The following PASK variants were observed in gnomAD, a reference collection of about 807,000 sequenced individuals.
PASK encodes the protein PAS domain-containing serine/threonine-protein kinase.
In PASK, 110 loss-of-function variants were observed where a neutral mutation model predicts 121.0. That is an observed-to-expected ratio of 0.91 (90% CI 0.78 to 1.06). The LOEUF (loss-of-function observed/expected upper bound fraction) is 1.06, where lower values mean the gene tolerates loss of function less well. Ranked by LOEUF, PASK falls within the 50% of genes least tolerant of loss-of-function variation. PASK has a pLI of 0.00. For synonymous variants in PASK, 686 were observed against 717.8 expected (o/e 0.96, Z 0.71); for missense variants, 1,643 against 1,702.3 (o/e 0.97, Z 0.61).
At chr2:241,148,342 G>GCTC (rs2067076042) in intron 1 of PASK, among the ~76,000 whole-genome samples, 1 of 152,162 alleles carries the variant, frequency 6.6e-6, no homozygotes, top group Admixed American at 6.6e-5. Flanking sequence ...GAAGCAAACA[G>GCTC]CTCCCATTGC....
intron 4 of PASK, chr2:241,139,428 G>A: frequency 2.3e-6 from 1 of 441,524 alleles, no homozygotes; most frequent in Non-Finnish European, 4.8e-6. Flanking sequence ...CATCCAGGTT[G>A]GACACATGGC....
chr2:241,123,387 C>T (rs867906047), intron 11 of PASK, among the ~76,000 whole-genome samples: 1 of 151,916 alleles, frequency 6.6e-6, no homozygotes, highest in Non-Finnish European at 1.5e-5. Flanking sequence ...ACTGTGTTAG[C>T]CAGGATGGTC....
At position 241,140,320 on chromosome 2, in the gene PASK, G is replaced by A. The variant is rs556817149; in HGVS notation, c.429+201C>T. On this transcript the variant is annotated intron_variant, in intron 3 of 17. Transcript: ENST00000234040. ...GCTGGGACTACAGGTGTGTGCCACC[G>A]CACCTGGCTAATTTCTTTGTAGAGA... Among the ~76,000 whole-genome samples, 14 of 152,226 alleles carry A rather than the reference G, an allele frequency of 9.2e-5. No homozygotes were observed. In the East Asian group the frequency reaches 2.5e-3, roughly 27 times the overall value.
chr2:241,137,817 A>C (rs550992577), intron 6 of PASK, 136 bp downstream of exon 6: 3 of 916,244 alleles, frequency 3.3e-6, no homozygotes, highest in African/African-American at 1.6e-5. Context: ...CTCAGCGCAC[A>C]GGAAGCTCAA....
Position 241,142,117 on chromosome 2 carries a change from C to T in PASK, c.196+720G>A, listed in dbSNP as rs184507454. Among the ~76,000 whole-genome samples the T allele has an allele frequency of 3.4e-3, 514 of 152,318 alleles. 5 individuals carry two copies. The highest frequency in any genetic ancestry group is 0.011 in the African/African-American group (463 of 41,562). On this transcript the variant is annotated intron_variant, in intron 2 of 17. Transcript: ENST00000234040. ...TATCCTGGGCACTCTCCACAGGGCC[C>T]TCCGCTCTACACCCTCAGACACTCC...
At position 241,140,760 on chromosome 2, in the gene PASK, A is replaced by C; in HGVS notation, c.197-7T>G. 2 of 1,584,594 alleles carry C rather than the reference A, an allele frequency of 1.3e-6. No individual in the cohort carries two copies. Among genetic ancestry groups the C allele is most frequent in the Non-Finnish European group, 1.7e-6 (2 of 1,153,262 alleles). On this transcript the variant is annotated splice_polypyrimidine_tract_variant and splice_region_variant and intron_variant, in intron 2 of 17. Coordinates refer to ENST00000234040, the MANE Select transcript of PASK (RefSeq NM_015148.4). ...TAGGAGCTCCATCTGTCTTCTGAAA[A>C]GAGAAGCGAAGCGAAGCTTTAGACT...
Position 241,112,269 on chromosome 2 carries a change from G to A in PASK, c.3504C>T (p.Tyr1168=). ...LFYTFCGTIE[Y]CAPEVLMGNP... The stretch of plus-strand genomic sequence containing the variant: ...TCCCCATGAGAACTTCCGGTGCACA[G>A]TACTCGATGGTCCCACAAAAAGTAT... Residue 1168 remains tyrosine (Y), a synonymous_variant, in exon 15 of 18, where the codon TAC becomes TAT. Coordinates refer to ENST00000234040, the MANE Select transcript of PASK (RefSeq NM_015148.4). This position sits in a 1 kb window ranked among gnomAD's most constrained non-coding sequence, Gnocchi z 5.2. The A allele has an allele frequency of 6.2e-7, 1 of 1,613,802 alleles. No homozygotes were observed. Among genetic ancestry groups the A allele is most frequent in the Non-Finnish European group, 8.5e-7 (1 of 1,179,782 alleles).
chr2:241,127,135 T>C lies in PASK; in HGVS notation c.1780A>G (p.Lys594Glu), dbSNP rs2125429367. ...SDLWAGAAVA[K>E]PQAKGQLAGG... Reference sequence around the variant, plus strand: ...GCCAGCTGACCCTTGGCCTGGGGCTTGGCCACGGCAGCCCCAGCCCAAAGG... The same window carrying C: ...GCCAGCTGACCCTTGGCCTGGGGCTCGGCCACGGCAGCCCCAGCCCAAAGG... The change falls in exon 10 of 18, where the codon AAG (lysine) becomes GAG (glutamate). Residue 594 changes from lysine to glutamate, a missense_variant. Physicochemically the swap from Lys to Glu is moderately conservative, Grantham distance 56. Transcript: ENST00000234040. 1 of 1,613,952 alleles carries C rather than the reference T, an allele frequency of 6.2e-7. No individual in the cohort carries two copies. Among genetic ancestry groups the C allele is most frequent in the Non-Finnish European group, 8.5e-7 (1 of 1,179,946 alleles).
In PASK at chr2:241,108,454, C is replaced by T; in HGVS notation, c.3534-154G>A. 1 of 748,744 alleles carries T rather than the reference C, an allele frequency of 1.3e-6. No individual in the cohort carries two copies. The highest frequency in any genetic ancestry group is 1.5e-5 in the South Asian group (1 of 66,032). The allele number at this position is 748,744 out of a possible 1,614,324, so 46.4% of individuals were successfully genotyped here. ...CACTCCACCCCTCAAACACGCCCTC[C>T]ATTTCCACGCACTTCTGCCCCAGGC... On this transcript the variant is annotated intron_variant, in intron 15 of 17. Coordinates refer to ENST00000234040, the MANE Select transcript of PASK (RefSeq NM_015148.4). This position sits in a 1 kb window ranked among gnomAD's most constrained non-coding sequence, Gnocchi z 5.2.
chr2:241,121,256 T>C (rs1426636952), intron 12 of PASK, among the ~76,000 whole-genome samples: 1 of 152,232 alleles, frequency 6.6e-6, no homozygotes, highest in African/African-American at 2.4e-5. Context: ...ATGTTCTTCG[T>C]TTGTGGTGAT....
At chr2:241,123,536 G>A (rs543986901) in intron 11 of PASK, among the ~76,000 whole-genome samples, 10 of 152,104 alleles carry the variant, frequency 6.6e-5, no homozygotes, top group South Asian at 2.1e-4. Context: ...TTACAAAGAG[G>A]GCCAGGCGCA....
chr2:241,111,285 A>G (rs888114460), intron 15 of PASK, among the ~76,000 whole-genome samples: 4 of 152,166 alleles, frequency 2.6e-5, no homozygotes, highest in African/African-American at 9.7e-5. Flanking sequence ...CTTCCCTCCT[A>G]GAGAACCACA....
At chr2:241,107,051 C>G (rs1476599152) in intron 17 of PASK, among the ~76,000 whole-genome samples, 1 of 152,222 alleles carries the variant, frequency 6.6e-6, no homozygotes, top group Non-Finnish European at 1.5e-5. Flanking sequence ...AGACCATCAC[C>G]AGCTGCATTC....
At position 241,142,831 on chromosome 2, in the gene PASK, C is replaced by T. The variant is rs765335298; in HGVS notation, c.196+6G>A. 6.2e-7 allele frequency: 1 copy of T among 1,605,450 alleles called. No individual in the cohort carries two copies. The highest frequency in any genetic ancestry group is 1.3e-5 in the African/African-American group (1 of 74,908). ...GCTAAGGCCTGCAGTGGTCGAAGGT[C>T]ATTACCAGAGAGCGCTGTCCTGCTC... On this transcript the variant is annotated splice_donor_region_variant and intron_variant, in intron 2 of 17. Transcript: ENST00000234040.
At position 241,133,032 on chromosome 2, in the gene PASK, T is replaced by C. The variant is rs781563908; in HGVS notation, c.1307-2A>G. ...CAAGCACGACATTAATCCTTGGATCTGGCAGCAACACCAAAAAAGAGCGTT... is the reference window on the plus strand; with the variant it reads ...CAAGCACGACATTAATCCTTGGATCCGGCAGCAACACCAAAAAAGAGCGTT... On this transcript the variant is annotated splice_acceptor_variant, in intron 8 of 17. Coordinates refer to ENST00000234040, the MANE Select transcript of PASK (RefSeq NM_015148.4). LOFTEE classifies it high-confidence loss of function. 6.2e-6 allele frequency: 10 copies of C among 1,613,996 alleles called. No homozygotes were observed. The African/African-American group carries it at 9.3e-5, about 15-fold the overall frequency.
In PASK at chr2:241,140,575, G is replaced by A. The variant is rs1197391073; in HGVS notation, c.375C>T (p.Ala125=). 6.2e-7 allele frequency: 1 copy of A among 1,613,968 alleles called. No homozygotes were observed. The highest frequency in any genetic ancestry group is 8.5e-7 in the Non-Finnish European group (1 of 1,179,980). Reference sequence around the variant, plus strand: ...TGGCCTTGTTAGGGTTGCACACAGGGGCCGGAAGCAGAGGTGAGGACCACC... The same window carrying A: ...TGGCCTTGTTAGGGTTGCACACAGGAGCCGGAAGCAGAGGTGAGGACCACC... The part of the protein sequence containing the change: ...SSGWSSPLLP[A]PVCNPNKAIF... Residue 125 remains alanine (A), a synonymous_variant, in exon 3 of 18, where the codon GCC becomes GCT. Coordinates refer to ENST00000234040, the MANE Select transcript of PASK (RefSeq NM_015148.4).
chr2:241,130,910 C>T (rs536313711), intron 9 of PASK, among the ~76,000 whole-genome samples: 8 of 152,284 alleles, frequency 5.3e-5, no homozygotes, highest in Non-Finnish European at 7.4e-5. Flanking sequence ...TAATCCCAGC[C>T]GTGCTCAGGG....
At chr2:241,124,968 C>T (rs978343386) in intron 10 of PASK, among the ~76,000 whole-genome samples, 1 of 151,746 alleles carries the variant, frequency 6.6e-6, no homozygotes, top group African/African-American at 2.4e-5. Context: ...AGATCGAGAC[C>T]ATCCTGGCTA....
At chr2:241,128,000 C>G (rs1343877214) in intron 9 of PASK, among the ~76,000 whole-genome samples, 2 of 152,260 alleles carry the variant, frequency 1.3e-5, no homozygotes, top group African/African-American at 4.8e-5. Context: ...GGCCAGGGGG[C>G]CGGGCGTGGT....
Sources: allele counts gnomAD v4.1 joint callset (sites outside exome capture counted in the v4.1 genomes callset), GRCh38; gene constraint gnomAD v4.1.1; non-coding constraint Gnocchi (gnomAD v3.1); transcripts MANE v1.5; gene names NCBI Gene and HGNC (gene_info 2026-07-23, HGNC 2026-07-21).